Variants in SORCS3 observed in about 807,000 individuals in gnomAD.
SORCS3 encodes the protein sortilin related VPS10 domain containing receptor 3, also known as VPS10 domain-containing receptor SorCS3.
Under a neutral mutation model 146.3 loss-of-function variants are expected in SORCS3, and 57 were observed. That is an observed-to-expected ratio of 0.39 (90% confidence interval 0.31 to 0.49). The LOEUF is 0.49. SORCS3 is among the 20% of genes least tolerant of loss of function. The probability of loss-of-function intolerance (pLI) is 0.92; values close to 1 mark genes in which losing one functional copy is unlikely to be tolerated. For synonymous variants in SORCS3, 653 were observed against 618.5 expected (o/e 1.06, Z -0.83); for missense variants, 1,341 against 1,575.5 (o/e 0.85, Z 2.52).
Position 104,887,971 on chromosome 10 carries a change from G to GTTGC in SORCS3, c.696-27862_696-27861insTTGC, listed in dbSNP as rs1554857309. Among the ~76,000 whole-genome samples the GTTGC allele has an allele frequency of 3.3e-3, 276 of 83,112 alleles. 12 individuals are homozygous for GTTGC. Among genetic ancestry groups the GTTGC allele is most frequent in the South Asian group, 7.8e-3 (22 of 2,834 alleles). 54.5% of individuals were successfully genotyped at this position (83,112 alleles called of 152,430 possible). ...AACATGGTGGGGGCGGGGGGGCGGGGGCGGAGCAAGCCCATGAAGACAGCA... is the reference window on the plus strand; with the variant it reads ...AACATGGTGGGGGCGGGGGGGCGGGGTTGCGCGGAGCAAGCCCATGAAGACAGCA... On this transcript the variant is annotated intron_variant, in intron 2 of 26. Coordinates refer to ENST00000369701, the MANE Select transcript of SORCS3 (RefSeq NM_014978.3).
chr10:105,047,129 A>T (rs2055378680), intron 5 of SORCS3, among the ~76,000 whole-genome samples: 1 of 151,658 alleles, frequency 6.6e-6, no homozygotes, highest in Non-Finnish European at 1.5e-5. Flanking sequence ...CATATTCTGC[A>T]GTGGGAAGAT....
chr10:104,909,172 A>G (rs892051640), intron 2 of SORCS3, among the ~76,000 whole-genome samples: 1 of 152,128 alleles, frequency 6.6e-6, no homozygotes, highest in Non-Finnish European at 1.5e-5. Flanking sequence ...TTGGAGCTGC[A>G]AAAGGTCAGA....
chr10:104,923,107 C>A (rs1041804277), intron 3 of SORCS3, among the ~76,000 whole-genome samples: 1 of 152,174 alleles, frequency 6.6e-6, no homozygotes, highest in East Asian at 1.9e-4. Flanking sequence ...CCAGGGCTTT[C>A]ATTTCTCTAT....
At chr10:105,240,329 A>G (rs1413058326) in intron 20 of SORCS3, among the ~76,000 whole-genome samples, 1 of 152,234 alleles carries the variant, frequency 6.6e-6, no homozygotes, top group African/African-American at 2.4e-5. Context: ...GAAGTAGTGA[A>G]GATTCTCTAA....
At chr10:104,872,471 A>ATT (rs1294912046) in intron 2 of SORCS3, among the ~76,000 whole-genome samples, 1 of 151,934 alleles carries the variant, frequency 6.6e-6, no homozygotes, top group Non-Finnish European at 1.5e-5. Context: ...GTCTGCAACA[A>ATT]TTTACAGTCC....
At chr10:105,024,920 A>G (rs957270769) in intron 4 of SORCS3, among the ~76,000 whole-genome samples, 3 of 152,160 alleles carry the variant, frequency 2.0e-5, no homozygotes, top group Non-Finnish European at 2.9e-5. Flanking sequence ...GTTAAGTGCA[A>G]TGATTTTACA....
intron 1 of SORCS3, among the ~76,000 whole-genome samples, chr10:104,788,946 A>G (rs1453259091): frequency 6.6e-6 from 1 of 152,218 alleles, no homozygotes; most frequent in Non-Finnish European, 1.5e-5. Flanking sequence ...GTTATGTGCC[A>G]TCTGTTAGAA....
intron 13 of SORCS3, among the ~76,000 whole-genome samples, chr10:105,172,499 C>T (rs1460370306): frequency 6.6e-6 from 1 of 152,138 alleles, no homozygotes; most frequent in Non-Finnish European, 1.5e-5. Context: ...AATAGTTCCA[C>T]CTATCTAACT....
intron 19 of SORCS3, among the ~76,000 whole-genome samples, 176 bp downstream of exon 19, chr10:105,217,298 G>T (rs2056671208): frequency 6.6e-6 from 1 of 152,198 alleles, no homozygotes; most frequent in African/African-American, 2.4e-5. Flanking sequence ...TACTGAAATA[G>T]ATTGATTATT....
intron 1 of SORCS3, among the ~76,000 whole-genome samples, chr10:104,712,720 A>G (rs1345669112): frequency 1.3e-5 from 2 of 152,198 alleles, no homozygotes; most frequent in African/African-American, 2.4e-5. Context: ...AAGGATAGCT[A>G]TGGACCTACT....
At chr10:105,158,735 T>C (rs1440000878) in intron 10 of SORCS3, among the ~76,000 whole-genome samples, 157 bp from the exon 11 acceptor site, 1 of 152,184 alleles carries the variant, frequency 6.6e-6, no homozygotes. Flanking sequence ...ATACCAGCTA[T>C]CTCAGGTGCG....
In SORCS3 at chr10:105,255,723, G is replaced by T. The variant is rs1441560618; in HGVS notation, c.3259G>T (p.Ala1087Ser). Residue 1087 changes from alanine to serine, a missense_variant, in exon 24 of 27, where the codon GCT (alanine) becomes TCT (serine). Transcript: ENST00000369701. ...LEQIVETLFN[A>S]LNQNLVQFEL... ...TCAGATTGTAGAAACACTGTTTAATGCTCTCAACCAAAATTTGGTCCAGTT... is the reference window on the plus strand; with the variant it reads ...TCAGATTGTAGAAACACTGTTTAATTCTCTCAACCAAAATTTGGTCCAGTT... The T allele has an allele frequency of 6.2e-7, 1 of 1,613,804 alleles. No homozygotes were observed. The highest frequency in any genetic ancestry group is 8.5e-7 in the Non-Finnish European group (1 of 1,179,834).
intron 1 of SORCS3, among the ~76,000 whole-genome samples, chr10:104,796,436 C>T (rs1246094289): frequency 7.2e-6 from 1 of 138,290 alleles, no homozygotes. Context: ...TGATAATCTC[C>T]ATTTTTTTTT....
chr10:104,833,759 A>G (rs2018034467), intron 1 of SORCS3, among the ~76,000 whole-genome samples: 1 of 152,068 alleles, frequency 6.6e-6, no homozygotes, highest in African/African-American at 2.4e-5. Context: ...AGTCCATCCA[A>G]TCACTGACAG....
intron 1 of SORCS3, among the ~76,000 whole-genome samples, chr10:104,691,247 G>C (rs937043552): frequency 3.3e-5 from 5 of 152,226 alleles, no homozygotes; most frequent in African/African-American, 1.2e-4. Context: ...CCAGTCCACT[G>C]CATTAGCAAC....
At chr10:105,005,264 G>C (rs1242664848) in intron 4 of SORCS3, among the ~76,000 whole-genome samples, 1 of 152,142 alleles carries the variant, frequency 6.6e-6, no homozygotes, top group Non-Finnish European at 1.5e-5. Flanking sequence ...TTTGCATTCA[G>C]GTAGCCAACA....
At chr10:104,966,388 T>C (rs1176316389) in intron 3 of SORCS3, among the ~76,000 whole-genome samples, 1 of 152,232 alleles carries the variant, frequency 6.6e-6, no homozygotes, top group African/African-American at 2.4e-5. Context: ...GTCATTGTTT[T>C]ATACTCTAAG....
At chr10:104,834,957 T>TAAAAAAA (rs535624623) in intron 1 of SORCS3, among the ~76,000 whole-genome samples, 2 of 147,666 alleles carry the variant, frequency 1.4e-5, no homozygotes, top group Non-Finnish European at 3.0e-5. Flanking sequence ...AATGCTCCCT[T>TAAAAAAA]AAAAAAAAAA....
intron 1 of SORCS3, among the ~76,000 whole-genome samples, chr10:104,810,957 T>C (rs1032635018): frequency 6.6e-6 from 1 of 152,156 alleles, no homozygotes; most frequent in Non-Finnish European, 1.5e-5. Context: ...TCAAAACTCA[T>C]AGAGATGTAT....
Sources: allele counts gnomAD v4.1 joint callset (sites outside exome capture counted in the v4.1 genomes callset), GRCh38; gene constraint gnomAD v4.1.1; transcripts MANE v1.5; gene names NCBI Gene and HGNC (gene_info 2026-07-23, HGNC 2026-07-21).